Variants in SAMD4A observed in about 807,000 individuals in gnomAD.
SAMD4A encodes protein Smaug homolog 1.
A neutral mutation model predicts 81.3 loss-of-function variants in SAMD4A; 33 were observed. The observed-to-expected ratio is 0.41, with a 90% CI of 0.31 to 0.54. The LOEUF is 0.54. Ranked by LOEUF, SAMD4A falls within the 20% of genes least tolerant of loss-of-function variation. SAMD4A has a pLI of 0.37. For synonymous variants in SAMD4A, 389 were observed against 382.1 expected, an observed-to-expected ratio of 1.02 and a Z score of -0.21; for missense variants, 854 against 951.1, an observed-to-expected ratio of 0.90 and a Z score of 1.34.
intron 3 of SAMD4A, among the ~76,000 whole-genome samples, chr14:54,728,619 A>G (rs1312012851): frequency 1.2e-4 from 18 of 152,196 alleles, no homozygotes; most frequent in Admixed American, 1.2e-3. Flanking sequence ...ACAAGAACCA[A>G]TTCCCTAATC....
chr14:54,747,989 C>T (rs1410052585), intron 4 of SAMD4A, among the ~76,000 whole-genome samples: 1 of 152,334 alleles, frequency 6.6e-6, no homozygotes, highest in Non-Finnish European at 1.5e-5. Flanking sequence ...CTTTTCTTAA[C>T]TTTAGAATCT....
chr14:54,567,102 T>TCCCACC (rs2032963418), upstream of SAMD4A: 2 of 152,212 alleles, frequency 1.3e-5, no homozygotes, highest in Non-Finnish European at 2.9e-5. Flanking sequence ...TTGCATTAGC[T>TCCCACC]CCCACCCCCA....
intron 2 of SAMD4A, among the ~76,000 whole-genome samples, chr14:54,618,670 A>G (rs927328113): frequency 2.0e-5 from 3 of 152,196 alleles, no homozygotes; most frequent in Non-Finnish European, 4.4e-5. Context: ...TAGAGTTTGG[A>G]GAGTTACCAA....
chr14:54,762,090 C>T (rs1489010456), intron 7 of SAMD4A, among the ~76,000 whole-genome samples: 2 of 152,166 alleles, frequency 1.3e-5, no homozygotes, highest in East Asian at 3.9e-4. Flanking sequence ...GCTGGGTGCA[C>T]GCCTGTCGGG....
intron 2 of SAMD4A, among the ~76,000 whole-genome samples, chr14:54,631,401 T>C (rs1220306880): frequency 6.6e-6 from 1 of 152,238 alleles, no homozygotes; most frequent in Non-Finnish European, 1.5e-5. Context: ...TAACAAATGA[T>C]GCTGTCCTCC....
At chr14:54,634,264 C>T (rs972415235) in intron 2 of SAMD4A, among the ~76,000 whole-genome samples, 13 of 110,766 alleles carry the variant, frequency 1.2e-4, no homozygotes, top group Non-Finnish European at 1.8e-4. Flanking sequence ...CCAGCCCGGG[C>T]GACAGAGCAA....
rs199844038 is a variant in SAMD4A, at chr14:54,660,239, G to A, written c.197-41823G>A. On this transcript the variant is annotated intron_variant, in intron 2 of 12. Coordinates refer to ENST00000554335, the MANE Select transcript of SAMD4A (RefSeq NM_015589.6). Reference sequence around the variant, plus strand: ...TTTCCTTTCATCCTCATAGGAACATGGGAAGTAGGCATTATTTTTATTTTC... The same window carrying A: ...TTTCCTTTCATCCTCATAGGAACATAGGAAGTAGGCATTATTTTTATTTTC... Among the ~76,000 whole-genome samples the A allele has an allele frequency of 1.7e-4, 26 of 152,284 alleles. No homozygotes were observed. In the East Asian group the frequency reaches 3.9e-3, roughly 23 times the overall value.
At chr14:54,595,018 A>G (rs1343245121) in intron 2 of SAMD4A, among the ~76,000 whole-genome samples, 1 of 152,222 alleles carries the variant, frequency 6.6e-6, no homozygotes, top group African/African-American at 2.4e-5. Flanking sequence ...TTATTCATTC[A>G]TTGAAAAAAT....
At chr14:54,611,388 C>G (rs537433062) in intron 2 of SAMD4A, among the ~76,000 whole-genome samples, 1 of 152,150 alleles carries the variant, frequency 6.6e-6, no homozygotes, top group Admixed American at 6.5e-5. Context: ...GGCAGAAATT[C>G]CTTGGGCAGC....
At chr14:54,646,098 G>A (rs909254853) in intron 2 of SAMD4A, among the ~76,000 whole-genome samples, 10 of 152,160 alleles carry the variant, frequency 6.6e-5, no homozygotes, top group African/African-American at 7.2e-5. Flanking sequence ...CTTTGTGATC[G>A]ACAAAATGAA....
chr14:54,574,478 G>T (rs561743393), intron 2 of SAMD4A, among the ~76,000 whole-genome samples: 1 of 152,256 alleles, frequency 6.6e-6, no homozygotes, highest in South Asian at 2.1e-4. Context: ...CCATGGAAGG[G>T]GCAGGCTTCC....
chr14:54,690,299 G>A (rs987070853), intron 2 of SAMD4A, among the ~76,000 whole-genome samples: 3 of 152,156 alleles, frequency 2.0e-5, no homozygotes, highest in African/African-American at 7.2e-5. Flanking sequence ...GAGCAGGAGG[G>A]GGAGGGTTCA....
chr14:54,657,913 T>TC (rs1256887097), intron 2 of SAMD4A, among the ~76,000 whole-genome samples: 2 of 152,176 alleles, frequency 1.3e-5, no homozygotes, highest in African/African-American at 4.8e-5. Flanking sequence ...GGTGTGAAAA[T>TC]ATCTTTAACA....
At chr14:54,617,638 T>C (rs1415166017) in intron 2 of SAMD4A, among the ~76,000 whole-genome samples, 1 of 152,240 alleles carries the variant, frequency 6.6e-6, no homozygotes, top group Non-Finnish European at 1.5e-5. Context: ...TTAGATTTCA[T>C]GATTAATTTT....
At chr14:54,651,667 A>G (rs559964771) in intron 2 of SAMD4A, among the ~76,000 whole-genome samples, 1 of 152,350 alleles carries the variant, frequency 6.6e-6, no homozygotes, top group Non-Finnish European at 1.5e-5. Flanking sequence ...AATCATGTGC[A>G]TATTTTATTT....
chr14:54,784,244 G>A, intron 11 of SAMD4A: 1 of 913,624 alleles, frequency 1.1e-6, no homozygotes, highest in South Asian at 1.5e-5. Context: ...GCAGGAGGTT[G>A]GCTGTTACTT....
intron 3 of SAMD4A, among the ~76,000 whole-genome samples, chr14:54,709,262 A>G (rs1156919515): frequency 6.7e-6 from 1 of 149,550 alleles, no homozygotes; most frequent in Non-Finnish European, 1.5e-5. Context: ...GGGTGACAGA[A>G]TAAGCCTCTG....
At chr14:54,628,868 A>G (rs550654780) in intron 2 of SAMD4A, among the ~76,000 whole-genome samples, 3 of 152,184 alleles carry the variant, frequency 2.0e-5, no homozygotes, top group African/African-American at 4.8e-5. Flanking sequence ...ATGGATCTGT[A>G]TGGGCTCATA....
At chr14:54,753,601 A>T (rs981904686) in intron 6 of SAMD4A, among the ~76,000 whole-genome samples, 1 of 152,116 alleles carries the variant, frequency 6.6e-6, no homozygotes, top group African/African-American at 2.4e-5. Flanking sequence ...TAACAGTCTG[A>T]TCTCTCTTTC....
Sources: gnomAD v4.1 joint callset for allele counts (sites outside exome capture counted in the v4.1 genomes callset) on GRCh38, gnomAD v4.1.1 for gene constraint, MANE v1.5 for transcripts, NCBI Gene and HGNC (gene_info 2026-07-23, HGNC 2026-07-21) for gene names.